UBTD1: variants seen among roughly 807,000 people sequenced by gnomAD.
The protein encoded by UBTD1 is ubiquitin domain-containing protein 1.
UBTD1 carries 19 observed loss-of-function variants against 21.7 expected under a neutral mutation model. The ratio of observed to expected loss-of-function variants is 0.87; its 90% CI spans 0.61 to 1.28. The LOEUF (loss-of-function observed/expected upper bound fraction) is 1.28, where lower values mean the gene tolerates loss of function less well. Among genes scored for constraint, UBTD1 ranks in the 50% most tolerant of loss-of-function variants. The pLI is 0.00. For synonymous variants in UBTD1, 116 were observed against 135.1 expected (o/e 0.86, Z 0.98); for missense variants, 282 against 315.1 (o/e 0.89, Z 0.80).
chr10:97,504,893 A>G (rs1017376947), intron 1 of UBTD1, among the ~76,000 whole-genome samples: 13 of 152,218 alleles, frequency 8.5e-5, no homozygotes, highest in Admixed American at 4.6e-4. Flanking sequence ...GATACCTGGG[A>G]TATATATGAC....
chr10:97,541,023 A>C (rs1010303910), intron 1 of UBTD1, among the ~76,000 whole-genome samples: 2 of 152,064 alleles, frequency 1.3e-5, no homozygotes, highest in African/African-American at 2.4e-5. Context: ...GGGAGTTGGT[A>C]GGCATGACGG....
chr10:97,527,976 C>T (rs555590689), intron 1 of UBTD1, among the ~76,000 whole-genome samples: 7,147 of 152,024 alleles, frequency 0.047, 209 homozygotes, highest in African/African-American at 0.071. Context: ...ACCTCCCAGA[C>T]GGGGTGGTGG....
At chr10:97,548,610 A>T (rs2135679483) in intron 1 of UBTD1, among the ~76,000 whole-genome samples, 1 of 152,284 alleles carries the variant, frequency 6.6e-6, no homozygotes, top group African/African-American at 2.4e-5. Context: ...AGCCTGGCCC[A>T]TCTCTACTAA....
At chr10:97,548,890 G>A (rs1469271827) in intron 1 of UBTD1, among the ~76,000 whole-genome samples, 1 of 152,166 alleles carries the variant, frequency 6.6e-6, no homozygotes, top group South Asian at 2.1e-4. Context: ...GGGATGGCTG[G>A]TCAGTGCCCA....
intron 1 of UBTD1, among the ~76,000 whole-genome samples, chr10:97,539,596 A>C (rs79068641): frequency 6.8e-6 from 1 of 148,082 alleles, no homozygotes; most frequent in Non-Finnish European, 1.5e-5. Flanking sequence ...CCCCATTTCA[A>C]AAAAAAAAAA....
intron 1 of UBTD1, among the ~76,000 whole-genome samples, chr10:97,559,371 AT>A (rs2040681197): frequency 6.6e-6 from 1 of 152,210 alleles, no homozygotes; most frequent in Non-Finnish European, 1.5e-5. Context: ...TGCAGATGGA[AT>A]ATTTGATCCA....
intron 1 of UBTD1, among the ~76,000 whole-genome samples, chr10:97,518,781 C>A (rs2040455087): frequency 6.6e-6 from 1 of 152,240 alleles, no homozygotes; most frequent in South Asian, 2.1e-4. Flanking sequence ...TGCCTGAATT[C>A]CTCTCGGGAA....
chr10:97,532,116 G>A (rs1258514216), intron 1 of UBTD1, among the ~76,000 whole-genome samples: 1 of 152,200 alleles, frequency 6.6e-6, no homozygotes, highest in African/African-American at 2.4e-5. Flanking sequence ...GAGTCAAGGA[G>A]TAGATAGTGG....
chr10:97,554,461 G>A (rs560003832), intron 1 of UBTD1, among the ~76,000 whole-genome samples: 2 of 152,078 alleles, frequency 1.3e-5, no homozygotes, highest in South Asian at 4.2e-4. Flanking sequence ...TGACCAGGCT[G>A]GTCTCGAACT....
chr10:97,509,741 C>T (rs1380454455), intron 1 of UBTD1, among the ~76,000 whole-genome samples: 2 of 152,002 alleles, frequency 1.3e-5, no homozygotes, highest in African/African-American at 4.8e-5. Context: ...ACTTCCGCCT[C>T]CTGGATTCAA....
At chr10:97,551,302 G>A (rs1380533992) in intron 1 of UBTD1, among the ~76,000 whole-genome samples, 1 of 151,818 alleles carries the variant, frequency 6.6e-6, no homozygotes, top group African/African-American at 2.4e-5. Flanking sequence ...TCGGGAGGCC[G>A]AGACAGGAGG....
chr10:97,544,609 A>T (rs1000014381), intron 1 of UBTD1, among the ~76,000 whole-genome samples: 1 of 152,244 alleles, frequency 6.6e-6, no homozygotes, highest in African/African-American at 2.4e-5. Context: ...TAATAACATG[A>T]ACAGTTGATT....
chr10:97,537,321 A>C (rs941072526), intron 1 of UBTD1, among the ~76,000 whole-genome samples: 3 of 152,042 alleles, frequency 2.0e-5, no homozygotes, highest in African/African-American at 7.2e-5. Flanking sequence ...GACCATGAAG[A>C]ATTGGGTTAC....
chr10:97,504,702 G>C (rs1271009184), intron 1 of UBTD1, among the ~76,000 whole-genome samples: 3 of 152,142 alleles, frequency 2.0e-5, no homozygotes, highest in African/African-American at 7.2e-5. Context: ...AATAGTTGTT[G>C]GATAAAACTA....
At chr10:97,541,415 C>T (rs1043799091) in intron 1 of UBTD1, among the ~76,000 whole-genome samples, 6 of 152,026 alleles carry the variant, frequency 3.9e-5, no homozygotes, top group Admixed American at 3.3e-4. Context: ...GAGGTCAAGG[C>T]TGCAGTGGGC....
chr10:97,569,796 G>A (rs1159527243), intron 2 of UBTD1, among the ~76,000 whole-genome samples: 1 of 152,020 alleles, frequency 6.6e-6, no homozygotes, highest in African/African-American at 2.4e-5. Flanking sequence ...TACAAGAACT[G>A]TAAGCCAGGG....
At chr10:97,563,615 A>G (rs2040703713) in intron 1 of UBTD1, among the ~76,000 whole-genome samples, 1 of 152,198 alleles carries the variant, frequency 6.6e-6, no homozygotes, top group Non-Finnish European at 1.5e-5. Flanking sequence ...AAGATCATCT[A>G]TCCACTCCAA....
At chr10:97,532,644 G>T (rs1424016994) in intron 1 of UBTD1, among the ~76,000 whole-genome samples, 1 of 152,174 alleles carries the variant, frequency 6.6e-6, no homozygotes, top group Admixed American at 6.6e-5. Flanking sequence ...ATAAAAATTA[G>T]CTGGGCGTGG....
At chr10:97,503,949 C>T (rs2040388111) in intron 1 of UBTD1, among the ~76,000 whole-genome samples, 1 of 152,074 alleles carries the variant, frequency 6.6e-6, no homozygotes, top group Non-Finnish European at 1.5e-5. Flanking sequence ...TAAAAGGCTT[C>T]CTAGTTTAAC....
Sources: allele counts gnomAD v4.1 joint callset (sites outside exome capture counted in the v4.1 genomes callset), GRCh38; gene constraint gnomAD v4.1.1; transcripts MANE v1.5; gene names NCBI Gene and HGNC (gene_info 2026-07-23, HGNC 2026-07-21).